SRPK2: variants seen among roughly 807,000 people sequenced by gnomAD.
SRPK2 encodes SFRS protein kinase 2.
SRPK2 carries 21 observed loss-of-function variants against 90.8 expected under a neutral mutation model. The ratio of observed to expected loss-of-function variants is 0.23; its 90% CI spans 0.16 to 0.33. The LOEUF is 0.33. SRPK2 is among the 10% of genes least tolerant of loss of function. The pLI, the probability that SRPK2 is intolerant of heterozygous loss-of-function variation, is 1.00. For missense variants in SRPK2, 620 were observed against 869.0 expected (o/e 0.71, Z 3.60); for synonymous variants, 288 against 311.1 (o/e 0.93, Z 0.78).
At chr7:105,125,982 G>C (rs1801144457) in intron 15 of SRPK2, 1 of 671,572 alleles carries the variant, frequency 1.5e-6, no homozygotes, top group South Asian at 1.9e-5. Flanking sequence ...AGCGCAACTT[G>C]AATGACCAAA....
chr7:105,365,705 G>A (rs1295782532), intron 2 of SRPK2, among the ~76,000 whole-genome samples: 1 of 151,526 alleles, frequency 6.6e-6, no homozygotes, highest in Non-Finnish European at 1.5e-5. Context: ...GGACTGAGAT[G>A]GGAGGATCAT....
chr7:105,244,298 G>A (rs1002033899), intron 2 of SRPK2, among the ~76,000 whole-genome samples: 2 of 152,306 alleles, frequency 1.3e-5, no homozygotes, highest in Admixed American at 6.5e-5. Context: ...GGCCGGGCGC[G>A]GTGGCTCACG....
intron 2 of SRPK2, among the ~76,000 whole-genome samples, chr7:105,243,740 CA>C (rs781172281): frequency 1.3e-3 from 202 of 150,022 alleles, no homozygotes; most frequent in Middle Eastern, 3.4e-3. Flanking sequence ...TGCAGCAAGA[CA>C]AAAAAAAATT....
intron 2 of SRPK2, among the ~76,000 whole-genome samples, chr7:105,266,685 G>C (rs1805126414): frequency 6.6e-6 from 1 of 151,990 alleles, no homozygotes; most frequent in South Asian, 2.1e-4. Context: ...TTAAAATGTA[G>C]CTGGACTGGT....
At chr7:105,138,603 G>C (rs1376958687) in intron 11 of SRPK2, among the ~76,000 whole-genome samples, 2 of 152,158 alleles carry the variant, frequency 1.3e-5, no homozygotes, top group Non-Finnish European at 2.9e-5. Flanking sequence ...GTTCAGGACT[G>C]GCATGGGCAA....
chr7:105,181,436 A>G (rs1585081289), intron 3 of SRPK2, among the ~76,000 whole-genome samples: 1 of 152,358 alleles, frequency 6.6e-6, no homozygotes, highest in African/African-American at 2.4e-5. Context: ...TCACTGCGAC[A>G]CTATTCCCAA....
At chr7:105,244,021 T>C (rs1368678898) in intron 2 of SRPK2, among the ~76,000 whole-genome samples, 3 of 151,814 alleles carry the variant, frequency 2.0e-5, no homozygotes, top group Non-Finnish European at 4.4e-5. Context: ...AAACATTGAG[T>C]GGGAACTTCT....
At chr7:105,342,839 G>A (rs574950975) in intron 2 of SRPK2, among the ~76,000 whole-genome samples, 1 of 152,096 alleles carries the variant, frequency 6.6e-6, no homozygotes, top group Non-Finnish European at 1.5e-5. Flanking sequence ...GGAAAGGAGG[G>A]ACAATAAAAT....
chr7:105,358,358 T>C (rs1259906385), intron 2 of SRPK2, among the ~76,000 whole-genome samples: 1 of 150,136 alleles, frequency 6.7e-6, no homozygotes, highest in African/African-American at 2.5e-5. Context: ...ATTCCTACAA[T>C]AAAACAAGAT....
At chr7:105,139,503 G>A (rs772722042) in intron 11 of SRPK2, among the ~76,000 whole-genome samples, 3 of 152,178 alleles carry the variant, frequency 2.0e-5, no homozygotes, top group Non-Finnish European at 4.4e-5. Context: ...TAGCAGGTTG[G>A]CAGGGAAAGT....
rs748632028 is a variant in SRPK2 at position 105,132,819 on chromosome 7, G to A, written c.1724C>T (p.Pro575Leu). ...EVLIGAGYSTPADIWSTACMA... is the reference protein window; with the variant it reads ...EVLIGAGYSTLADIWSTACMA... ...ACACGCCGTGCTCCAGATGTCCGCA[G>A]GGGTGCTGTACCCCGCTCCTATTAA... The change falls in exon 13 of 16, where the codon CCT (proline) becomes CTT (leucine). Residue 575 changes from proline (P) to leucine (L), a missense_variant. This residue lies in a region of SRPK2 where 25 missense variants were observed against 21.4 expected (regional missense o/e 1.17). Coordinates refer to ENST00000393651, the MANE Select transcript of SRPK2 (RefSeq NM_182692.3). 5 of 1,610,022 alleles carry A rather than the reference G, an allele frequency of 3.1e-6. No individual in the cohort carries two copies. The highest frequency in any genetic ancestry group is 3.3e-4 in the Middle Eastern group (2 of 6,078).
chr7:105,118,089 T>G (rs568390917), intron 15 of SRPK2, 67 bp from the exon 16 acceptor site: 38 of 1,563,916 alleles, frequency 2.4e-5, no homozygotes, highest in Non-Finnish European at 1.9e-5. Context: ...GTTGGTCCAG[T>G]CAGGTTCTTT....
At chr7:105,311,082 G>A (rs1811653229) in intron 2 of SRPK2, among the ~76,000 whole-genome samples, 2 of 151,666 alleles carry the variant, frequency 1.3e-5, no homozygotes, top group Non-Finnish European at 2.9e-5. Context: ...GGGCATCAAA[G>A]GACATTACCA....
chr7:105,184,264 C>A (rs1418311357), intron 3 of SRPK2, among the ~76,000 whole-genome samples: 4 of 152,116 alleles, frequency 2.6e-5, no homozygotes, highest in Non-Finnish European at 5.9e-5. Flanking sequence ...TAGGAGTGAG[C>A]CACCACACCT....
intron 2 of SRPK2, among the ~76,000 whole-genome samples, chr7:105,273,320 C>T (rs1343371938): frequency 6.6e-6 from 1 of 152,130 alleles, no homozygotes; most frequent in East Asian, 1.9e-4. Flanking sequence ...CCAAGCATGC[C>T]ATGCTTTTTC....
chr7:105,369,035 C>A (rs866375105), intron 2 of SRPK2, among the ~76,000 whole-genome samples: 1 of 151,834 alleles, frequency 6.6e-6, no homozygotes, highest in Non-Finnish European at 1.5e-5. Context: ...GAAGGCCAGG[C>A]GGCAAGGACC....
At chr7:105,328,063 A>C (rs976543973) in intron 2 of SRPK2, among the ~76,000 whole-genome samples, 1 of 152,212 alleles carries the variant, frequency 6.6e-6, no homozygotes, top group Non-Finnish European at 1.5e-5. Flanking sequence ...GGCGTGAGCC[A>C]CAATGCCCAG....
intron 2 of SRPK2, among the ~76,000 whole-genome samples, chr7:105,222,556 A>G (rs1798227155): frequency 6.6e-6 from 1 of 152,220 alleles, no homozygotes; most frequent in Admixed American, 6.5e-5. Context: ...TGAAACTTCT[A>G]TTTTTGCCTA....
At chr7:105,360,208 C>G (rs1818273305) in intron 2 of SRPK2, among the ~76,000 whole-genome samples, 1 of 151,134 alleles carries the variant, frequency 6.6e-6, no homozygotes, top group African/African-American at 2.4e-5. Context: ...TCGACCCCTG[C>G]TTTTCTCTGC....
Sources: allele counts gnomAD v4.1 joint callset (sites outside exome capture counted in the v4.1 genomes callset), GRCh38; gene constraint gnomAD v4.1.1; regional missense constraint gnomAD v4.1.1; transcripts MANE v1.5; gene names NCBI Gene and HGNC (gene_info 2026-07-23, HGNC 2026-07-21).